The following ANK2 variants were observed in gnomAD, a reference collection of about 807,000 sequenced individuals.
ANK2 encodes ankyrin 2, also known as ankyrin-2.
In ANK2, 83 loss-of-function variants were observed where a neutral mutation model predicts 360.5. The observed-to-expected ratio is 0.23, with a 90% CI of 0.19 to 0.28. The LOEUF is 0.28. ANK2 is among the 10% of genes least tolerant of loss of function. The probability of loss-of-function intolerance (pLI) is 1.00; values close to 1 mark genes in which losing one functional copy is unlikely to be tolerated. For synonymous variants in ANK2, 1,740 were observed against 1,759.5 expected (o/e 0.99, Z 0.28); for missense variants, 4,201 against 4,795.7 (o/e 0.88, Z 3.66).
At chr4:112,990,707 T>G (rs2046444863) in intron 2 of ANK2, among the ~76,000 whole-genome samples, 1 of 152,194 alleles carries the variant, frequency 6.6e-6, no homozygotes, top group Non-Finnish European at 1.5e-5. Flanking sequence ...ATCTTCTACC[T>G]TTATCACAGG....
intron 28 of ANK2, among the ~76,000 whole-genome samples, chr4:113,332,535 C>T (rs2092704090): frequency 6.6e-6 from 1 of 152,226 alleles, no homozygotes; most frequent in East Asian, 1.9e-4. Flanking sequence ...ACACTGTGTA[C>T]ACATGCCTAT....
chr4:112,765,931 A>G, the ANK2 span, among the ~76,000 whole-genome samples: 1 of 152,190 alleles, frequency 6.6e-6, no homozygotes, highest in Non-Finnish European at 1.5e-5. Flanking sequence ...TATCTTACCT[A>G]AAATGCTAAT....
At chr4:112,975,530 A>G (rs889757064) in intron 2 of ANK2, among the ~76,000 whole-genome samples, 18 of 152,240 alleles carry the variant, frequency 1.2e-4, no homozygotes, top group Admixed American at 4.6e-4. Flanking sequence ...AATGGGTTTA[A>G]TTAAACTGAA....
intron 9 of ANK2, among the ~76,000 whole-genome samples, chr4:113,249,455 C>T (rs950979007): frequency 4.6e-5 from 7 of 152,202 alleles, no homozygotes; most frequent in Non-Finnish European, 7.3e-5. Context: ...TTCTTGAATA[C>T]GCAGACACAT....
At chr4:113,127,663 T>G (rs1028516621) in intron 1 of ANK2, among the ~76,000 whole-genome samples, 4 of 151,932 alleles carry the variant, frequency 2.6e-5, no homozygotes, top group African/African-American at 9.7e-5. Flanking sequence ...CTTGGCATGA[T>G]CAAAGTGGAA....
intron 1 of ANK2, among the ~76,000 whole-genome samples, chr4:113,147,299 A>C (rs2096871563): frequency 6.6e-6 from 1 of 152,228 alleles, no homozygotes; most frequent in Non-Finnish European, 1.5e-5. Context: ...CACTACCCAC[A>C]TCCACCCAGG....
At chr4:112,859,819 T>G (rs1221680562) in intron 1 of ANK2, among the ~76,000 whole-genome samples, 1 of 152,226 alleles carries the variant, frequency 6.6e-6, no homozygotes, top group East Asian at 1.9e-4. Flanking sequence ...ATTTGTTTCC[T>G]GAATTGATAA....
upstream of ANK2, among the ~76,000 whole-genome samples, chr4:112,814,743 A>G (rs1254454602): frequency 6.6e-6 from 1 of 152,182 alleles, no homozygotes; most frequent in Non-Finnish European, 1.5e-5. Flanking sequence ...TCCAGGAGAC[A>G]AGTGATGATG....
chr4:113,084,615 A>G (rs2083754389), intron 1 of ANK2, among the ~76,000 whole-genome samples: 2 of 152,182 alleles, frequency 1.3e-5, no homozygotes, highest in African/African-American at 4.8e-5. Context: ...AGTAAAAAAT[A>G]GTTTTTCCCA....
chr4:113,240,529 C>T lies in ANK2; in HGVS notation c.738C>T (p.Val246=), dbSNP rs1247375109. ...PLHIAAHYGN[V]NVATLLLNRG... ...ACATAGCTGCACATTACGGAAATGT[C>T]AACGTGGCAACTCTTCTTCTAAACC... Residue 246 remains valine (V), a synonymous_variant, in exon 8 of 46, where the codon GTC becomes GTT. Transcript: ENST00000357077. The T allele has an allele frequency of 6.2e-7, 1 of 1,613,842 alleles. No individual in the cohort carries two copies. Among genetic ancestry groups the T allele is most frequent in the Non-Finnish European group, 8.5e-7 (1 of 1,179,930 alleles).
intron 1 of ANK2, among the ~76,000 whole-genome samples, chr4:112,899,002 T>C (rs1356293995): frequency 2.0e-5 from 3 of 152,128 alleles, no homozygotes; most frequent in African/African-American, 7.2e-5. Flanking sequence ...TTTCCAGCAT[T>C]TCTAACACCT....
chr4:112,997,655 T>A (rs1348481276), intron 2 of ANK2, among the ~76,000 whole-genome samples: 2 of 152,090 alleles, frequency 1.3e-5, no homozygotes, highest in African/African-American at 2.4e-5. Context: ...ACAAATATTT[T>A]GGTCATATTA....
chr4:112,712,343 G>A, the ANK2 span, among the ~76,000 whole-genome samples: 133 of 148,870 alleles, frequency 8.9e-4, no homozygotes, highest in African/African-American at 2.9e-3. Context: ...GACTCCCAAA[G>A]TGCTGGGATT....
At chr4:112,755,352 A>G in the ANK2 span, among the ~76,000 whole-genome samples, 3,089 of 152,318 alleles carry the variant, frequency 0.02, 114 homozygotes, top group African/African-American at 0.071. Flanking sequence ...ATTGTCTCAC[A>G]TGTCCATGTG....
intron 2 of ANK2, among the ~76,000 whole-genome samples, chr4:113,176,007 G>A (rs966762881): frequency 6.6e-6 from 1 of 152,176 alleles, no homozygotes; most frequent in African/African-American, 2.4e-5. Flanking sequence ...TATTTCTCAG[G>A]GTGGTGCTCG....
At chr4:113,187,560 C>T (rs1162775034) in intron 2 of ANK2, among the ~76,000 whole-genome samples, 1 of 152,170 alleles carries the variant, frequency 6.6e-6, no homozygotes, top group Non-Finnish European at 1.5e-5. Flanking sequence ...GTCCCGCAAA[C>T]TGGGAACTTG....
chr4:112,849,520 C>G (rs1560777892), intron 1 of ANK2, among the ~76,000 whole-genome samples: 1 of 152,174 alleles, frequency 6.6e-6, no homozygotes, highest in Admixed American at 6.5e-5. Context: ...TTCCATTTCT[C>G]CTTCTTCTTT....
the ANK2 span, among the ~76,000 whole-genome samples, chr4:112,760,808 C>CT: frequency 0.013 from 1,837 of 138,244 alleles, 34 homozygotes; most frequent in African/African-American, 0.024. Context: ...TCTTCTTCTT[C>CT]TTTTTTTTTT....
At chr4:113,335,819 A>T (rs1376899721) in intron 29 of ANK2, 27 bp from the exon 30 acceptor site, 1 of 1,598,210 alleles carries the variant, frequency 6.3e-7, no homozygotes, top group Admixed American at 1.7e-5. Context: ...TGCTATGTGA[A>T]TGAAGGTGGG....
Sources: gnomAD v4.1 joint callset for allele counts (sites outside exome capture counted in the v4.1 genomes callset) on GRCh38, gnomAD v4.1.1 for gene constraint, MANE v1.5 for transcripts, NCBI Gene and HGNC (gene_info 2026-07-23, HGNC 2026-07-21) for gene names.